Variants in NRIP1 observed in about 807,000 individuals in gnomAD.
The protein encoded by NRIP1 is nuclear receptor interacting protein 1, also known as nuclear receptor-interacting protein 1.
A neutral mutation model predicts 75.0 loss-of-function variants in NRIP1; 28 were observed. The observed-to-expected ratio is 0.37, with a 90% CI of 0.28 to 0.51. The LOEUF (loss-of-function observed/expected upper bound fraction) is 0.51, where lower values mean the gene tolerates loss of function less well. Ranked by LOEUF, NRIP1 falls within the 20% of genes least tolerant of loss-of-function variation. The pLI is 0.92. For synonymous variants in NRIP1, 526 were observed against 487.6 expected (o/e 1.08, Z -1.04); for missense variants, 1,435 against 1,343.7 (o/e 1.07, Z -1.06).
intron 1 of NRIP1, among the ~76,000 whole-genome samples, chr21:15,045,656 C>T (rs1386168452): frequency 1.3e-5 from 2 of 152,188 alleles, no homozygotes; most frequent in African/African-American, 2.4e-5. Context: ...TCGGCTGATT[C>T]TTCCTTTCAC....
chr21:15,061,988 T>A (rs1408728252), intron 1 of NRIP1, among the ~76,000 whole-genome samples: 16 of 152,242 alleles, frequency 1.1e-4, no homozygotes, highest in Non-Finnish European at 1.5e-5. Flanking sequence ...TGCTTTCAGA[T>A]ATGCGTTAAT....
In NRIP1 at chr21:14,968,214, G is replaced by A. The variant is rs528077071; in HGVS notation, c.-22C>T. ...TCATGTTCAATAGAAGTGTTCACAA[G>A]GGCTTGGTTTCTATTCACTTTAAAG... On this transcript the variant is annotated 5_prime_UTR_variant, in exon 4 of 4. Transcript: ENST00000318948. The A allele has an allele frequency of 2.0e-6, 3 of 1,538,226 alleles. No homozygotes were observed. In the African/African-American group the frequency reaches 4.1e-5, roughly 21 times the overall value.
chr21:15,043,163 T>A (rs1036970062), intron 2 of NRIP1, among the ~76,000 whole-genome samples: 1 of 152,192 alleles, frequency 6.6e-6, no homozygotes, highest in Non-Finnish European at 1.5e-5. Context: ...TACTTCACAC[T>A]GTCTTAGATA....
rs1214481068 is a variant in NRIP1, at chr21:14,966,788, T to G, written c.1405A>C (p.Asn469His). The change falls in exon 4 of 4, where the codon AAC (asparagine) becomes CAC (histidine). Residue 469 changes from asparagine (N) to histidine (H), a missense_variant. Coordinates refer to ENST00000318948, the MANE Select transcript of NRIP1 (RefSeq NM_003489.4). ...TCTGGGACTTTTGGATCCCAAGTGT[T>G]TAGCAAGGATTGAGTGAAGTTATCC... is the stretch of plus-strand genomic sequence containing the variant. Reference protein sequence around the residue: ...SLDNFTQSLLNTWDPKVPDVD... With the variant: ...SLDNFTQSLLHTWDPKVPDVD... The G allele has an allele frequency of 6.2e-7, 1 of 1,614,150 alleles. No individual in the cohort carries two copies. The highest frequency in any genetic ancestry group is 2.2e-5 in the East Asian group (1 of 44,880).
At chr21:15,062,193 T>TC (rs776661804) in intron 1 of NRIP1, among the ~76,000 whole-genome samples, 11 of 152,324 alleles carry the variant, frequency 7.2e-5, no homozygotes, top group Admixed American at 2.0e-4. Flanking sequence ...CAAAGCTGCC[T>TC]CCCTAAGGTC....
intron 3 of NRIP1, among the ~76,000 whole-genome samples, chr21:14,990,012 T>C (rs537210586): frequency 6.6e-6 from 1 of 152,248 alleles, no homozygotes; most frequent in South Asian, 2.1e-4. Flanking sequence ...TCCCCACTTC[T>C]CCTACTTTGT....
At chr21:15,061,112 C>A (rs770780274) in intron 1 of NRIP1, among the ~76,000 whole-genome samples, 14 of 152,304 alleles carry the variant, frequency 9.2e-5, no homozygotes, top group Middle Eastern at 3.4e-3. Context: ...GATTCAAACT[C>A]ATATCCTGCA....
chr21:14,979,758 C>A (rs1392586873), intron 3 of NRIP1, among the ~76,000 whole-genome samples: 2 of 152,086 alleles, frequency 1.3e-5, no homozygotes, highest in African/African-American at 4.8e-5. Flanking sequence ...TCGTGATCCA[C>A]CTGCCTTGGC....
chr21:15,006,725 T>C (rs954408286), intron 3 of NRIP1, among the ~76,000 whole-genome samples: 1 of 152,312 alleles, frequency 6.6e-6, no homozygotes, highest in Admixed American at 6.5e-5. Context: ...GATTCAGGTA[T>C]GTTTTCCTGA....
chr21:14,965,476 T>A lies in NRIP1; in HGVS notation c.2717A>T (p.Asp906Val). The A allele has an allele frequency of 2.5e-6, 4 of 1,613,952 alleles. No homozygotes were observed. The highest frequency in any genetic ancestry group is 2.2e-5 in the South Asian group (2 of 91,044). The part of the protein sequence containing the change: ...NQEELKFSRN[D>V]LEFKYPAGHG... ...ACCAGCAGGATATTTAAATTCAAGA[T>A]CATTTCTGCTAAATTTCAGCTCTTC... The change falls in exon 4 of 4, where the codon GAT becomes GTT. Residue 906 changes from aspartate (D) to valine (V), a missense_variant. By Grantham distance (152) the Asp-to-Val change is radical. Coordinates refer to ENST00000318948, the MANE Select transcript of NRIP1 (RefSeq NM_003489.4).
chr21:15,011,172 C>T (rs530397094), intron 3 of NRIP1, among the ~76,000 whole-genome samples: 1 of 152,130 alleles, frequency 6.6e-6, no homozygotes, highest in Non-Finnish European at 1.5e-5. Flanking sequence ...TTACCAACCT[C>T]GTAACCCAGC....
intron 3 of NRIP1, among the ~76,000 whole-genome samples, chr21:14,983,042 C>T (rs530741996): frequency 3.0e-4 from 46 of 152,140 alleles, no homozygotes; most frequent in African/African-American, 9.4e-4. Context: ...TGAGACACAA[C>T]AATATTGAAA....
intron 2 of NRIP1, among the ~76,000 whole-genome samples, chr21:15,017,929 A>G (rs545961431): frequency 6.6e-6 from 1 of 152,342 alleles, no homozygotes; most frequent in East Asian, 1.9e-4. Context: ...TGACCACACA[A>G]AAGATAAATT....
chr21:15,034,364 T>C (rs2147279416), intron 2 of NRIP1, among the ~76,000 whole-genome samples: 1 of 152,322 alleles, frequency 6.6e-6, no homozygotes, highest in Admixed American at 6.5e-5. Context: ...ACTCATGCTT[T>C]ATACTGAAAA....
At chr21:14,974,878 C>T (rs1164392460) in intron 3 of NRIP1, among the ~76,000 whole-genome samples, 2 of 152,054 alleles carry the variant, frequency 1.3e-5, no homozygotes, top group South Asian at 2.1e-4. Flanking sequence ...GAGGCTGAGG[C>T]AGGATGAATG....
intron 2 of NRIP1, among the ~76,000 whole-genome samples, chr21:15,035,115 T>A (rs1472807215): frequency 6.6e-6 from 1 of 152,170 alleles, no homozygotes; most frequent in African/African-American, 2.4e-5. Context: ...AATCTTAGGA[T>A]TCTAAAGCCA....
rs1396159991 is a variant in NRIP1 at position 15,057,886 on chromosome 21, T to C, written c.-538+6859A>G. 3.3e-5 allele frequency among the ~76,000 whole-genome samples: 5 copies of C among 152,140 alleles called. No homozygotes were observed. In the South Asian group the frequency reaches 6.2e-4, roughly 19 times the overall value. ...CAGCACAATGTCTGGCACAAAACGGTTGCCCCAAAAAGTTCAATACTCTTC... is the reference window on the plus strand; with the variant it reads ...CAGCACAATGTCTGGCACAAAACGGCTGCCCCAAAAAGTTCAATACTCTTC... On this transcript the variant is annotated intron_variant, in intron 1 of 3. Transcript: ENST00000318948.
rs938978410 is a variant in NRIP1 at position 14,983,597 on chromosome 21, G to C, written c.-334-15071C>G. 3.3e-5 allele frequency among the ~76,000 whole-genome samples: 5 copies of C among 152,308 alleles called. No homozygotes were observed. The South Asian group carries it at 1.0e-3, about 32-fold the overall frequency. On this transcript the variant is annotated intron_variant, in intron 3 of 3. Transcript: ENST00000318948. ...ACAGATTTTCAATAGAGACAAAACAGCCTTAAATTGGAAGAAGATTCCATC... is the reference window on the plus strand; with the variant it reads ...ACAGATTTTCAATAGAGACAAAACACCCTTAAATTGGAAGAAGATTCCATC...
At chr21:15,059,454 A>C (rs2089376881) in intron 1 of NRIP1, among the ~76,000 whole-genome samples, 1 of 152,104 alleles carries the variant, frequency 6.6e-6, no homozygotes, top group African/African-American at 2.4e-5. Flanking sequence ...TTCTATTATC[A>C]AGTTTTACAA....
Sources: allele counts gnomAD v4.1 joint callset (sites outside exome capture counted in the v4.1 genomes callset), GRCh38; gene constraint gnomAD v4.1.1; transcripts MANE v1.5; gene names NCBI Gene and HGNC (gene_info 2026-07-23, HGNC 2026-07-21).